Variants in MB21D2 observed in about 807,000 individuals in gnomAD.
MB21D2 encodes Mab-21 domain containing 2.
A neutral mutation model predicts 33.3 loss-of-function variants in MB21D2; 9 were observed. The ratio of observed to expected loss-of-function variants is 0.27; its 90% CI spans 0.16 to 0.47. MB21D2 has a LOEUF of 0.47. MB21D2 is among the 20% of genes least tolerant of loss of function. The pLI is 0.99. For synonymous variants in MB21D2, 241 were observed against 236.3 expected, an observed-to-expected ratio of 1.02 and a Z score of -0.18; for missense variants, 540 against 624.6, an observed-to-expected ratio of 0.86 and a Z score of 1.44.
intron 1 of MB21D2, among the ~76,000 whole-genome samples, chr3:192,836,501 T>A (rs1414994647): frequency 6.6e-6 from 1 of 152,188 alleles, no homozygotes; most frequent in East Asian, 1.9e-4. Context: ...GAGTCCTAAT[T>A]CAATCTGACT....
At chr3:192,859,093 C>T (rs1712980574) in intron 1 of MB21D2, among the ~76,000 whole-genome samples, 1 of 152,140 alleles carries the variant, frequency 6.6e-6, no homozygotes, top group Non-Finnish European at 1.5e-5. Flanking sequence ...TGCTGGCCGG[C>T]TCCAACAGCG....
At chr3:192,875,023 A>AG (rs1398166244) in intron 1 of MB21D2, among the ~76,000 whole-genome samples, 1 of 151,368 alleles carries the variant, frequency 6.6e-6, no homozygotes, top group East Asian at 1.9e-4. Flanking sequence ...ATTAAAAAAA[A>AG]AACAAAAAAC....
intron 1 of MB21D2, among the ~76,000 whole-genome samples, chr3:192,903,661 C>G (rs1185365765): frequency 6.6e-6 from 1 of 152,182 alleles, no homozygotes; most frequent in Non-Finnish European, 1.5e-5. Context: ...CTCCCAACAA[C>G]CGGTATCTCA....
chr3:192,810,402 A>G lies in MB21D2; in HGVS notation c.212-10752T>C, dbSNP rs1160777478. ...AAAATGATCCCAATTTATATAAAGA[A>G]GCCTCCTCTAAAGGACTTACAAACT... On this transcript the variant is annotated intron_variant, in intron 1 of 1. Transcript: ENST00000392452. Among the ~76,000 whole-genome samples the G allele has an allele frequency of 1.3e-4, 20 of 150,460 alleles. 1 individual carries two copies. The Admixed American group carries it at 1.3e-3, about 10-fold the overall frequency.
intron 1 of MB21D2, among the ~76,000 whole-genome samples, chr3:192,870,699 G>GAAAAAAAAAAAAAAAAAAAAA (rs57320648): frequency 2.4e-5 from 1 of 41,664 alleles, no homozygotes; most frequent in African/African-American, 1.1e-4. Flanking sequence ...CGACTCCGTT[G>GAAAAAAAAAAAAAAAAAAAAA]AAAAAAAAAA....
chr3:192,813,706 G>A (rs1194410392), intron 1 of MB21D2, among the ~76,000 whole-genome samples: 3 of 151,998 alleles, frequency 2.0e-5, no homozygotes, highest in African/African-American at 7.3e-5. Flanking sequence ...CTAGTTCTCC[G>A]GCCTAAACCA....
chr3:192,862,827 T>C (rs983054493), intron 1 of MB21D2, among the ~76,000 whole-genome samples: 3 of 152,220 alleles, frequency 2.0e-5, no homozygotes, highest in African/African-American at 4.8e-5. Flanking sequence ...GTATTGTTCA[T>C]AGTTCTTGAG....
Position 192,798,754 on chromosome 3 carries a change from CCAGA to C in MB21D2, c.1104_1107del (p.Cys368TrpfsTer56), listed in dbSNP as rs747479566. The C allele has an allele frequency of 4.3e-6, 7 of 1,613,410 alleles. No individual in the cohort carries two copies. Among genetic ancestry groups the C allele is most frequent in the African/African-American group, 1.3e-5 (1 of 75,038 alleles). On this transcript the variant is annotated frameshift_variant, in exon 2 of 2. Transcript: ENST00000392452. LOFTEE classifies it high-confidence loss of function. This position sits in a 1 kb window ranked among gnomAD's most constrained non-coding sequence, Gnocchi z 4.8. ...AAATAATTGGGGCACATCTTGTTGA[CCAGA>C]CAGTGTTGCAGGTCATCGATGAGGC... is the stretch of plus-strand genomic sequence containing the variant.
At position 192,816,836 on chromosome 3, in the gene MB21D2, G is replaced by A. The variant is rs1001069801; in HGVS notation, c.212-17186C>T. On this transcript the variant is annotated intron_variant, in intron 1 of 1. Coordinates refer to ENST00000392452, the MANE Select transcript of MB21D2 (RefSeq NM_178496.4). Reference sequence around the variant, plus strand: ...TGATTTATTAGCTGTGTGGCATCTGGATAAGTTACTTGACTTTCTGAAACT... The same window carrying A: ...TGATTTATTAGCTGTGTGGCATCTGAATAAGTTACTTGACTTTCTGAAACT... Among the ~76,000 whole-genome samples, 3 of 151,872 alleles carry A rather than the reference G, an allele frequency of 2.0e-5. No homozygotes were observed. The East Asian group carries it at 5.8e-4, about 30-fold the overall frequency.
At chr3:192,825,193 G>A (rs1305981550) in intron 1 of MB21D2, among the ~76,000 whole-genome samples, 1 of 152,206 alleles carries the variant, frequency 6.6e-6, no homozygotes, top group African/African-American at 2.4e-5. Context: ...CCAGGCTGGG[G>A]TGCGGTGGTG....
At chr3:192,827,040 G>T (rs934456870) in intron 1 of MB21D2, among the ~76,000 whole-genome samples, 3 of 151,918 alleles carry the variant, frequency 2.0e-5, no homozygotes, top group Admixed American at 6.6e-5. Context: ...TACAGTAGGT[G>T]CCCACCACCA....
At chr3:192,814,906 C>T (rs1006289095) in intron 1 of MB21D2, among the ~76,000 whole-genome samples, 7 of 148,572 alleles carry the variant, frequency 4.7e-5, no homozygotes, top group Non-Finnish European at 8.8e-5. Context: ...AAAGATGAGT[C>T]TCATAATGCT....
intron 1 of MB21D2, among the ~76,000 whole-genome samples, chr3:192,815,178 C>A (rs934865633): frequency 2.6e-5 from 4 of 152,180 alleles, no homozygotes; most frequent in African/African-American, 9.7e-5. Context: ...GTTCCCCACA[C>A]AAAGAATGAA....
At chr3:192,870,982 C>T (rs941014826) in intron 1 of MB21D2, among the ~76,000 whole-genome samples, 2 of 152,200 alleles carry the variant, frequency 1.3e-5, no homozygotes, top group African/African-American at 4.8e-5. Flanking sequence ...CTCAACCACA[C>T]ATTGTTGTTG....
intron 1 of MB21D2, among the ~76,000 whole-genome samples, chr3:192,909,747 A>G (rs1343145841): frequency 6.6e-6 from 1 of 151,900 alleles, no homozygotes; most frequent in Non-Finnish European, 1.5e-5. Flanking sequence ...CCTGGCCAAC[A>G]TGGCGAAACC....
Position 192,828,063 on chromosome 3 carries a change from T to C in MB21D2, c.212-28413A>G, listed in dbSNP as rs1014446885. On this transcript the variant is annotated intron_variant, in intron 1 of 1. Transcript: ENST00000392452. ...CTTGTCTGCCGCCATATAAGACATA[T>C]CTTTTGCCTTCCGCCATGTTTGTGA... 4.5e-4 allele frequency among the ~76,000 whole-genome samples: 68 copies of C among 152,222 alleles called. 1 individual carries two copies. The highest frequency in any genetic ancestry group is 1.3e-3 in the Admixed American group (20 of 15,286).
At chr3:192,882,821 A>G (rs1331101978) in intron 1 of MB21D2, among the ~76,000 whole-genome samples, 1 of 149,812 alleles carries the variant, frequency 6.7e-6, no homozygotes, top group East Asian at 2.0e-4. Context: ...TGCAACCTTC[A>G]CCTCCTAGGT....
chr3:192,805,801 G>T (rs1304586687), intron 1 of MB21D2, among the ~76,000 whole-genome samples: 1 of 152,198 alleles, frequency 6.6e-6, no homozygotes, highest in South Asian at 2.1e-4. Flanking sequence ...GCTATGAAGT[G>T]TCTAAGCGCA....
chr3:192,859,211 C>G (rs185269943), intron 1 of MB21D2, among the ~76,000 whole-genome samples: 1 of 152,188 alleles, frequency 6.6e-6, no homozygotes, highest in Admixed American at 6.5e-5. Context: ...GCAAAACAAG[C>G]CTGATAAAAA....
Sources: allele counts gnomAD v4.1 joint callset (sites outside exome capture counted in the v4.1 genomes callset), GRCh38; gene constraint gnomAD v4.1.1; non-coding constraint Gnocchi (gnomAD v3.1); transcripts MANE v1.5; gene names NCBI Gene and HGNC (gene_info 2026-07-23, HGNC 2026-07-21).